The following LMX1A variants were observed in gnomAD, a reference collection of about 807,000 sequenced individuals.
The protein encoded by LMX1A is LIM homeobox transcription factor 1 alpha.
In LMX1A, 15 loss-of-function variants were observed where a neutral mutation model predicts 49.1. The observed-to-expected ratio is 0.31, with a 90% CI of 0.20 to 0.47. The LOEUF is 0.47. Among genes scored for constraint, LMX1A ranks in the 20% least tolerant of loss-of-function variants. The pLI is 1.00. For missense variants in LMX1A, 372 were observed against 475.8 expected (o/e 0.78, Z 2.03); for synonymous variants, 167 against 185.7 (o/e 0.90, Z 0.82).
At chr1:165,347,444 G>T (rs1656286222) in intron 3 of LMX1A, among the ~76,000 whole-genome samples, 1 of 152,226 alleles carries the variant, frequency 6.6e-6, no homozygotes. Context: ...CAGAGGGTGG[G>T]AGAGACACAC....
At position 165,249,400 on chromosome 1, in the gene LMX1A, G is replaced by A; in HGVS notation, c.496+8C>T. The A allele has an allele frequency of 6.2e-7, 1 of 1,601,500 alleles. No homozygotes were observed. The highest frequency in any genetic ancestry group is 1.1e-5 in the South Asian group (1 of 90,842). ...CCACCGCAGCCCTGCCCACCACCTG[G>A]CACTCACCTGAGTCTGAGGCTGCTG... On this transcript the variant is annotated splice_region_variant and intron_variant, in intron 4 of 8. Coordinates refer to ENST00000342310, the MANE Select transcript of LMX1A (RefSeq NM_177398.4).
At chr1:165,226,092 A>G (rs1652024699) in intron 4 of LMX1A, among the ~76,000 whole-genome samples, 1 of 152,158 alleles carries the variant, frequency 6.6e-6, no homozygotes, top group South Asian at 2.1e-4. Flanking sequence ...GAGGACAAGT[A>G]TAACGTAACC....
At chr1:165,354,258 C>A (rs1411820163) in intron 2 of LMX1A, among the ~76,000 whole-genome samples, 1 of 152,150 alleles carries the variant, frequency 6.6e-6, no homozygotes, top group Admixed American at 6.5e-5. Context: ...TCCGAGAGGC[C>A]CGGCCACCGG....
chr1:165,341,409 A>T (rs975566758), intron 3 of LMX1A, among the ~76,000 whole-genome samples: 3 of 152,128 alleles, frequency 2.0e-5, no homozygotes, highest in African/African-American at 7.2e-5. Context: ...CACCTTTTCC[A>T]TGAAGCTTTT....
At chr1:165,335,419 C>T (rs113844393) in intron 3 of LMX1A, among the ~76,000 whole-genome samples, 1,895 of 152,192 alleles carry the variant, frequency 0.012, 36 homozygotes, top group African/African-American at 0.043. Context: ...GGGAGCATTT[C>T]GTGGTCTTGT....
chr1:165,205,474 T>G (rs1403972284), intron 8 of LMX1A, among the ~76,000 whole-genome samples: 1 of 152,246 alleles, frequency 6.6e-6, no homozygotes, highest in Non-Finnish European at 1.5e-5. Context: ...AAAATTTGTC[T>G]TCTGTGCTTT....
At chr1:165,333,220 C>A (rs548588399) in intron 3 of LMX1A, among the ~76,000 whole-genome samples, 1 of 152,206 alleles carries the variant, frequency 6.6e-6, no homozygotes, top group Admixed American at 6.5e-5. Flanking sequence ...AGCAACGGAG[C>A]GATCTCGGCT....
intron 3 of LMX1A, among the ~76,000 whole-genome samples, chr1:165,253,016 A>T (rs1653112219): frequency 6.6e-6 from 1 of 152,220 alleles, no homozygotes; most frequent in African/African-American, 2.4e-5. Flanking sequence ...CTGTGTCTTT[A>T]TAGGGAGGGC....
rs193271419 is a variant in LMX1A at position 165,294,278 on chromosome 1, A to G, written c.264-44638T>C. ...TTCAGCTGAACCACTCACACACAGT[A>G]TTTTCAAGTGGCTGTGACTCCAGTG... On this transcript the variant is annotated intron_variant, in intron 3 of 8. Transcript: ENST00000342310. Among the ~76,000 whole-genome samples the G allele has an allele frequency of 1.9e-4, 29 of 152,352 alleles. No homozygotes were observed. The East Asian group carries it at 5.6e-3, about 29-fold the overall frequency.
At chr1:165,244,538 G>A (rs1652772449) in intron 4 of LMX1A, among the ~76,000 whole-genome samples, 1 of 152,174 alleles carries the variant, frequency 6.6e-6, no homozygotes, top group African/African-American at 2.4e-5. Context: ...GGTGTCCACT[G>A]GAGAATTGCT....
chr1:165,254,579 C>T (rs1005636069), intron 3 of LMX1A, among the ~76,000 whole-genome samples: 2 of 152,208 alleles, frequency 1.3e-5, no homozygotes, highest in East Asian at 1.9e-4. Flanking sequence ...CACAGCTGTA[C>T]GGCTACCGCT....
chr1:165,218,436 C>T (rs2102608945), intron 4 of LMX1A: 1 of 152,434 alleles, frequency 6.6e-6, no homozygotes, highest in African/African-American at 2.4e-5. Context: ...ATGCCACAAG[C>T]CAGCTGCCAA....
intron 3 of LMX1A, among the ~76,000 whole-genome samples, chr1:165,304,786 G>T (rs961049296): frequency 4.0e-5 from 6 of 151,886 alleles, no homozygotes; most frequent in African/African-American, 1.5e-4. Context: ...TTTTCTCCCT[G>T]GTGCCTGGCA....
rs1457564031 is a variant in LMX1A at position 165,336,934 on chromosome 1, T to C, written c.263+16142A>G. 2.6e-5 allele frequency among the ~76,000 whole-genome samples: 4 copies of C among 152,156 alleles called. 1 individual carries two copies. The highest frequency in any genetic ancestry group is 9.7e-5 in the African/African-American group (4 of 41,434). On this transcript the variant is annotated intron_variant, in intron 3 of 8. Transcript: ENST00000342310. ...ATTAGTGGTCTGGGAAAAGAGAAAC[T>C]ATGCAGAAATTATGGGAAGATGGGG...
chr1:165,339,871 TC>T (rs1315481802), intron 3 of LMX1A, among the ~76,000 whole-genome samples: 4 of 152,066 alleles, frequency 2.6e-5, no homozygotes, highest in African/African-American at 9.7e-5. Flanking sequence ...CTTCCTTCCT[TC>T]CCTGGCTAAA....
At chr1:165,343,817 T>G (rs562776383) in intron 3 of LMX1A, among the ~76,000 whole-genome samples, 1 of 152,358 alleles carries the variant, frequency 6.6e-6, no homozygotes, top group Non-Finnish European at 1.5e-5. Flanking sequence ...CACAAAATTA[T>G]GTCCTCCACT....
At chr1:165,338,766 C>T (rs181865469) in intron 3 of LMX1A, among the ~76,000 whole-genome samples, 1 of 152,340 alleles carries the variant, frequency 6.6e-6, no homozygotes, top group Non-Finnish European at 1.5e-5. Flanking sequence ...TTACTGGCCA[C>T]AGAAGCAGAG....
intron 7 of LMX1A, among the ~76,000 whole-genome samples, chr1:165,207,804 G>A (rs990402534): frequency 4.6e-5 from 7 of 152,210 alleles, no homozygotes; most frequent in Non-Finnish European, 8.8e-5. Flanking sequence ...ACGCTGTGGT[G>A]GGATCCAGGC....
chr1:165,322,583 C>T (rs1444770007), intron 3 of LMX1A, among the ~76,000 whole-genome samples: 1 of 152,076 alleles, frequency 6.6e-6, no homozygotes, highest in Non-Finnish European at 1.5e-5. Context: ...CATAAAAGGC[C>T]ACATACTGTA....
Sources: allele counts gnomAD v4.1 joint callset (sites outside exome capture counted in the v4.1 genomes callset), GRCh38; gene constraint gnomAD v4.1.1; transcripts MANE v1.5; gene names NCBI Gene and HGNC (gene_info 2026-07-23, HGNC 2026-07-21).